Variants in PHKA2 observed in about 807,000 individuals in gnomAD.
The protein encoded by PHKA2 is phosphorylase b kinase regulatory subunit alpha, liver isoform.
Under a neutral mutation model 102.0 loss-of-function variants are expected in PHKA2, and 31 were observed. The observed-to-expected ratio is 0.30, with a 90% CI of 0.23 to 0.41. The LOEUF (loss-of-function observed/expected upper bound fraction) is 0.41. Among genes scored for constraint, PHKA2 ranks in the 10% least tolerant of loss-of-function variants. The probability of loss-of-function intolerance (pLI) is 1.00; values close to 1 mark genes in which losing one functional copy is unlikely to be tolerated. For missense variants in PHKA2, 858 were observed against 1,023.1 expected (o/e 0.84, Z 2.20); for synonymous variants, 455 against 416.2 (o/e 1.09, Z -1.13).
intron 1 of PHKA2, among the ~76,000 whole-genome samples, chrX:18,955,046 A>G (rs192028589): frequency 2.7e-5 from 3 of 113,132 alleles, no homozygotes; most frequent in Non-Finnish European, 5.6e-5. Context: ...ATTATACACA[A>G]ATGTTCATAG....
intron 22 of PHKA2, 132 bp downstream of exon 22, chrX:18,907,768 G>T: frequency 1.5e-6 from 1 of 684,687 alleles, no homozygotes; most frequent in Non-Finnish European, 2.3e-6. Context: ...GGAGAGAAGG[G>T]CCCGCTCCAC....
At chrX:18,980,097 AATGTTTAC>A (rs1185076727) in intron 1 of PHKA2, among the ~76,000 whole-genome samples, 1 of 112,866 alleles carries the variant, frequency 8.9e-6, no homozygotes, top group African/African-American at 3.2e-5. Context: ...TTGTTAACAA[AATGTTTAC>A]AGGCAGTATG....
At chrX:18,968,724 C>T (rs1379240413) in intron 1 of PHKA2, among the ~76,000 whole-genome samples, 1 of 112,471 alleles carries the variant, frequency 8.9e-6, no homozygotes, top group Non-Finnish European at 1.9e-5. Flanking sequence ...GTTAATATCA[C>T]CACCAATCTC....
At chrX:18,907,198 C>T in intron 22 of PHKA2, 101 bp from the exon 23 acceptor site, 1 of 623,473 alleles carries the variant, frequency 1.6e-6, no homozygotes, top group South Asian at 2.4e-5. Context: ...TCAGATCGTA[C>T]ATTTACCTTT....
chrX:18,894,860 CCTTT>C (rs1358772551), intron 31 of PHKA2: 2 of 421,739 alleles, frequency 4.7e-6, no homozygotes, highest in Admixed American at 8.2e-5. Flanking sequence ...GAGATTGGCT[CCTTT>C]CTTTCACCAG....
chrX:18,907,833 G>T (rs1356005609), intron 22 of PHKA2, 67 bp downstream of exon 22: 1 of 1,087,925 alleles, frequency 9.2e-7, no homozygotes, highest in Non-Finnish European at 1.3e-6. Flanking sequence ...CTGGGAGATT[G>T]GAAGTGGAAG....
Position 18,910,875 on chromosome X carries a change from T to C in PHKA2, c.2223A>G (p.Glu741=), listed in dbSNP as rs1246652394. ...AAAGCTGTTCCATATACTTTACCTT[T>C]TCTAGGAGTGGCTGAGGAGAATCAA... ...NLVDSPQPLL[E]KVPESDFQWP... is the part of the protein sequence containing the mutation. The change falls in exon 20 of 33, where the codon GAA becomes GAG. Residue 741 remains glutamate, a synonymous_variant. Transcript: ENST00000379942. 8.6e-7 allele frequency: 1 copy of C among 1,165,642 alleles called. No homozygotes were observed. Among genetic ancestry groups the C allele is most frequent in the Non-Finnish European group, 1.2e-6 (1 of 856,566 alleles).
chrX:18,979,985 GT>G (rs1036988379), intron 1 of PHKA2, among the ~76,000 whole-genome samples: 2 of 104,516 alleles, frequency 1.9e-5, no homozygotes, highest in Non-Finnish European at 3.8e-5. Flanking sequence ...CTGAACAACT[GT>G]TTTGCCTTGA....
At chrX:18,947,326 G>A (rs2147977493) in intron 5 of PHKA2, among the ~76,000 whole-genome samples, 1 of 112,033 alleles carries the variant, frequency 8.9e-6, no homozygotes, top group South Asian at 3.7e-4. Context: ...CTCCTTCCCT[G>A]AGAGCTTTAC....
At chrX:18,923,102 T>A (rs1032405770) in intron 17 of PHKA2, among the ~76,000 whole-genome samples, 74 of 98,298 alleles carry the variant, frequency 7.5e-4, no homozygotes, top group Non-Finnish European at 1.2e-3. Context: ...CAGGCTGGAG[T>A]GCAGTGGTAT....
At chrX:18,957,666 T>C (rs760416890) in intron 1 of PHKA2, among the ~76,000 whole-genome samples, 14 of 107,840 alleles carry the variant, frequency 1.3e-4, no homozygotes, top group Non-Finnish European at 2.5e-4. Context: ...CCTCCCCTCA[T>C]GTCAGCAATT....
chrX:18,945,226 C>T (rs2048559927), intron 5 of PHKA2, 68 bp from the exon 6 acceptor site: 8 of 672,024 alleles, frequency 1.2e-5, no homozygotes, highest in African/African-American at 2.1e-5. Context: ...GGGAAAAATG[C>T]TTCCTTTATG....
At chrX:18,952,466 GGC>G in intron 3 of PHKA2, 26 bp downstream of exon 3, 1 of 1,185,311 alleles carries the variant, frequency 8.4e-7, no homozygotes, top group Non-Finnish European at 1.1e-6. Flanking sequence ...ATGCCCACTT[GGC>G]AAACACGTGT....
At chrX:18,977,956 G>A (rs2049113450) in intron 1 of PHKA2, among the ~76,000 whole-genome samples, 1 of 112,066 alleles carries the variant, frequency 8.9e-6, no homozygotes, top group South Asian at 3.7e-4. Context: ...GAGGTAAGGA[G>A]TTTGAGACCA....
intron 19 of PHKA2, among the ~76,000 whole-genome samples, chrX:18,912,249 G>GTTTA (rs1249858736): frequency 8.9e-6 from 1 of 111,860 alleles, no homozygotes; most frequent in East Asian, 2.8e-4. Context: ...TAATGACAGG[G>GTTTA]ATACATTCTG....
At chrX:18,928,411 C>G (rs967057878) in intron 13 of PHKA2, among the ~76,000 whole-genome samples, 2 of 112,261 alleles carry the variant, frequency 1.8e-5, no homozygotes, top group African/African-American at 6.5e-5. Context: ...TCACTGTTTT[C>G]AACGTATGGG....
At chrX:18,925,846 G>T in intron 14 of PHKA2, 69 bp from the exon 15 acceptor site, 1 of 713,992 alleles carries the variant, frequency 1.4e-6, no homozygotes, top group Non-Finnish European at 2.2e-6. Context: ...AGGCAACTCA[G>T]GCTAAGACTG....
chrX:18,949,665 C>T (rs755820716), intron 4 of PHKA2, among the ~76,000 whole-genome samples: 4 of 111,803 alleles, frequency 3.6e-5, no homozygotes, highest in South Asian at 3.7e-4. Context: ...TATAACGCTA[C>T]GTAATAAAAA....
At chrX:18,922,429 T>C (rs893008447) in intron 17 of PHKA2, among the ~76,000 whole-genome samples, 4 of 110,840 alleles carry the variant, frequency 3.6e-5, no homozygotes, top group Non-Finnish European at 5.7e-5. Flanking sequence ...CTGGGGACAG[T>C]CTCGCGAGAA....
Sources: allele counts gnomAD v4.1 joint callset (sites outside exome capture counted in the v4.1 genomes callset), GRCh38; gene constraint gnomAD v4.1.1; transcripts MANE v1.5; gene names NCBI Gene and HGNC (gene_info 2026-07-23, HGNC 2026-07-21).